Variants in NME7 observed in about 807,000 individuals in gnomAD.
NME7 encodes NME/NM23 family member 7.
Under a neutral mutation model 49.1 loss-of-function variants are expected in NME7, and 41 were observed. The observed-to-expected ratio is 0.83, with a 90% confidence interval of 0.65 to 1.08. The LOEUF (loss-of-function observed/expected upper bound fraction) is 1.08. Among genes scored for constraint, NME7 ranks in the 50% least tolerant of loss-of-function variants. The pLI, the probability that NME7 is intolerant of heterozygous loss-of-function variation, is 0.00. For synonymous variants in NME7, 139 were observed against 150.6 expected (o/e 0.92, Z 0.56); for missense variants, 423 against 463.4 (o/e 0.91, Z 0.80).
chr1:169,341,787 C>G (rs988633415), intron 1 of NME7, among the ~76,000 whole-genome samples: 2 of 152,106 alleles, frequency 1.3e-5, no homozygotes, highest in Admixed American at 1.3e-4. Context: ...ATTTTTTTAA[C>G]AAGTACCCTG....
At chr1:169,327,487 T>C (rs1165034077) in intron 1 of NME7, among the ~76,000 whole-genome samples, 1 of 152,220 alleles carries the variant, frequency 6.6e-6, no homozygotes, top group African/African-American at 2.4e-5. Context: ...AGTCTTGAAG[T>C]GACTTGAACT....
intron 10 of NME7, among the ~76,000 whole-genome samples, chr1:169,217,843 A>T (rs1406698187): frequency 6.6e-6 from 1 of 152,168 alleles, no homozygotes; most frequent in Non-Finnish European, 1.5e-5. Flanking sequence ...CACCTGCCAC[A>T]GCTTAAAGCA....
chr1:169,344,788 CATG>C (rs1255327010), intron 1 of NME7, among the ~76,000 whole-genome samples: 1 of 152,012 alleles, frequency 6.6e-6, no homozygotes, highest in Non-Finnish European at 1.5e-5. Context: ...CACCTCTATT[CATG>C]ATGTTGGTCT....
rs758110126 is a variant in NME7 at position 169,323,142 on chromosome 1, G to A, written c.253C>T (p.Arg85Cys). Residue 85 changes from arginine (R) to cysteine (C), a missense_variant, in exon 3 of 12, where the codon CGC becomes TGC. By Grantham distance (180) the Arg-to-Cys change is radical. Coordinates refer to ENST00000367811, the MANE Select transcript of NME7 (RefSeq NM_013330.5). ...LIDYGDQYTA[R>C]QLGSRKEKTL... ...TTTTCTTTCCTACTGCCCAGCTGGC[G>A]AGCTGTATATTGATCCCCATAGTCA... The A allele has an allele frequency of 1.3e-5, 21 of 1,579,666 alleles. No individual in the cohort carries two copies. The highest frequency in any genetic ancestry group is 1.2e-4 in the East Asian group (5 of 43,356).
chr1:169,328,014 A>G (rs1346156273), intron 1 of NME7, among the ~76,000 whole-genome samples: 2 of 152,208 alleles, frequency 1.3e-5, no homozygotes, highest in East Asian at 1.9e-4. Context: ...ATGATCATCA[A>G]TCAACAAATA....
chr1:169,189,962 A>G (rs1660171095), intron 10 of NME7, among the ~76,000 whole-genome samples: 1 of 152,218 alleles, frequency 6.6e-6, no homozygotes, highest in Non-Finnish European at 1.5e-5. Context: ...AGGAGCCAAC[A>G]AAAGTTTTGC....
chr1:169,197,445 T>C (rs951907161), intron 10 of NME7, among the ~76,000 whole-genome samples: 2 of 151,974 alleles, frequency 1.3e-5, no homozygotes, highest in Non-Finnish European at 2.9e-5. Context: ...CAACATTCTC[T>C]AGGAGAAAAA....
intron 1 of NME7, among the ~76,000 whole-genome samples, chr1:169,367,028 G>A (rs1254024871): frequency 6.6e-6 from 1 of 152,004 alleles, no homozygotes; most frequent in East Asian, 1.9e-4. Flanking sequence ...TAACCTATAG[G>A]CTTATTTAAA....
intron 11 of NME7, among the ~76,000 whole-genome samples, chr1:169,164,561 G>T (rs1472541346): frequency 6.6e-6 from 1 of 152,184 alleles, no homozygotes; most frequent in South Asian, 2.1e-4. Flanking sequence ...GGAGTACAGA[G>T]CTATTTTGAC....
chr1:169,147,884 G>A (rs1032083522), intron 11 of NME7, among the ~76,000 whole-genome samples: 1 of 152,104 alleles, frequency 6.6e-6, no homozygotes, highest in Non-Finnish European at 1.5e-5. Flanking sequence ...AAGGTGAGAA[G>A]GATATAGCGA....
intron 10 of NME7, among the ~76,000 whole-genome samples, chr1:169,180,384 G>C (rs1378534283): frequency 3.3e-5 from 5 of 152,190 alleles, no homozygotes; most frequent in Non-Finnish European, 5.9e-5. Context: ...TGACGAGGCA[G>C]ACAGTTTTTG....
intron 5 of NME7, chr1:169,302,189 T>C (rs1650967783): frequency 6.6e-6 from 1 of 151,974 alleles, no homozygotes; most frequent in African/African-American, 2.4e-5. Flanking sequence ...CTGTAGAAAA[T>C]AGTTTGGAGT....
intron 10 of NME7, among the ~76,000 whole-genome samples, chr1:169,222,538 CT>C (rs1447487924): frequency 6.6e-6 from 1 of 152,124 alleles, no homozygotes; most frequent in Admixed American, 6.5e-5. Context: ...TATATTGATT[CT>C]GAATAGTAAT....
At chr1:169,304,276 T>A (rs112446275) in intron 4 of NME7, among the ~76,000 whole-genome samples, 2 of 152,234 alleles carry the variant, frequency 1.3e-5, no homozygotes, top group African/African-American at 4.8e-5. Flanking sequence ...TGTAGTTTTC[T>A]TAAAGGCTTT....
chr1:169,244,371 G>A (rs560722638), intron 7 of NME7, among the ~76,000 whole-genome samples: 4 of 152,192 alleles, frequency 2.6e-5, no homozygotes, highest in South Asian at 2.1e-4. Context: ...GGTGGCTCAC[G>A]CCTGTAATCC....
intron 10 of NME7, among the ~76,000 whole-genome samples, chr1:169,222,433 C>A (rs1661173077): frequency 6.6e-6 from 1 of 151,750 alleles, no homozygotes; most frequent in African/African-American, 2.4e-5. Context: ...TTCCTGGAAA[C>A]TAAAATTCCA....
chr1:169,178,680 T>C (rs1474472657), intron 10 of NME7, among the ~76,000 whole-genome samples: 1 of 152,180 alleles, frequency 6.6e-6, no homozygotes, highest in Non-Finnish European at 1.5e-5. Flanking sequence ...TCTTTCTTCC[T>C]CATCTCTACA....
At chr1:169,321,287 G>C (rs543066296) in intron 3 of NME7, among the ~76,000 whole-genome samples, 1 of 152,242 alleles carries the variant, frequency 6.6e-6, no homozygotes, top group South Asian at 2.1e-4. Flanking sequence ...TTGAGCATGG[G>C]AAGTCAAGGG....
At chr1:169,343,156 G>C (rs2101965995) in intron 1 of NME7, among the ~76,000 whole-genome samples, 1 of 151,010 alleles carries the variant, frequency 6.6e-6, no homozygotes, top group East Asian at 1.9e-4. Flanking sequence ...TTGTGTTTTG[G>C]TGTCATATCT....
Sources: gnomAD v4.1 joint callset for allele counts (sites outside exome capture counted in the v4.1 genomes callset) on GRCh38, gnomAD v4.1.1 for gene constraint, MANE v1.5 for transcripts, NCBI Gene and HGNC (gene_info 2026-07-23, HGNC 2026-07-21) for gene names.